PTPRD: variants seen among roughly 807,000 people sequenced by gnomAD.
The protein encoded by PTPRD is receptor-type tyrosine-protein phosphatase delta.
A neutral mutation model predicts 214.5 loss-of-function variants in PTPRD; 34 were observed. The ratio of observed to expected loss-of-function variants is 0.16; its 90% CI spans 0.12 to 0.21. The LOEUF is 0.21. PTPRD is among the 10% of genes least tolerant of loss of function. The probability of loss-of-function intolerance (pLI) is 1.00; values close to 1 mark genes in which losing one functional copy is unlikely to be tolerated. For missense variants in PTPRD, 2,545 were observed against 2,398.7 expected, an observed-to-expected ratio of 1.06 and a Z score of -1.27; for synonymous variants, 1,128 against 845.7, an observed-to-expected ratio of 1.33 and a Z score of -5.79.
chr9:10,609,979 A>G (rs534960948), intron 2 of PTPRD, among the ~76,000 whole-genome samples: 1 of 152,136 alleles, frequency 6.6e-6, no homozygotes, highest in Admixed American at 6.6e-5. Flanking sequence ...CCCTTTAGTA[A>G]GCACATGTAA....
intron 3 of PTPRD, among the ~76,000 whole-genome samples, chr9:10,264,217 G>A (rs1354583451): frequency 3.9e-5 from 6 of 152,158 alleles, no homozygotes; most frequent in African/African-American, 1.4e-4. Context: ...TCCCCACTGG[G>A]GCGCTGCCTA....
intron 9 of PTPRD, among the ~76,000 whole-genome samples, chr9:9,350,628 T>A (rs1414275112): frequency 6.6e-6 from 1 of 152,124 alleles, no homozygotes; most frequent in Non-Finnish European, 1.5e-5. Context: ...TAGTATCCTC[T>A]ATATTTTCTA....
chr9:8,499,338 A>C (rs965100113), intron 25 of PTPRD, among the ~76,000 whole-genome samples: 8 of 152,162 alleles, frequency 5.3e-5, no homozygotes, highest in African/African-American at 1.9e-4. Flanking sequence ...CCTTTGACTC[A>C]ACTAAGTCAA....
At chr9:9,291,617 C>T (rs1167606916) in intron 9 of PTPRD, among the ~76,000 whole-genome samples, 1 of 151,192 alleles carries the variant, frequency 6.6e-6, no homozygotes, top group Admixed American at 6.6e-5. Context: ...CAGTAAGCAA[C>T]TATAAAGTTT....
rs765207578 is a variant in PTPRD at position 8,479,743 on chromosome 9, T to A, written c.3413+4376A>T. Among the ~76,000 whole-genome samples, 2 of 152,216 alleles carry A rather than the reference T, an allele frequency of 1.3e-5. 1 individual carries two copies. Among genetic ancestry groups the A allele is most frequent in the South Asian group, 4.1e-4 (2 of 4,832 alleles). Reference sequence around the variant, plus strand: ...ATTTTTATATAAATAAAAGAAAGTATTGAAAACTAAATTAATAGTAAATGC... The same window carrying A: ...ATTTTTATATAAATAAAAGAAAGTAATGAAAACTAAATTAATAGTAAATGC... On this transcript the variant is annotated intron_variant, in intron 30 of 45. Transcript: ENST00000381196.
At chr9:9,777,689 T>A (rs1222728900) in intron 5 of PTPRD, among the ~76,000 whole-genome samples, 1 of 152,168 alleles carries the variant, frequency 6.6e-6, no homozygotes, top group African/African-American at 2.4e-5. Flanking sequence ...AGAGTGAGCC[T>A]CTATCTCAAC....
chr9:8,641,847 A>C (rs955475584), intron 12 of PTPRD, among the ~76,000 whole-genome samples: 7 of 152,226 alleles, frequency 4.6e-5, no homozygotes, highest in Non-Finnish European at 8.8e-5. Flanking sequence ...TGGGTCTAAT[A>C]TTTGGATGCC....
At chr9:9,306,071 A>T (rs1004282467) in intron 9 of PTPRD, among the ~76,000 whole-genome samples, 1 of 152,196 alleles carries the variant, frequency 6.6e-6, no homozygotes, top group African/African-American at 2.4e-5. Context: ...CAATAAGAGA[A>T]CATCAGTAGA....
intron 19 of PTPRD, 96 bp from the exon 20 acceptor site, chr9:8,521,642 A>ATGTTTCAATTG: frequency 7.3e-7 from 1 of 1,371,436 alleles, no homozygotes; most frequent in African/African-American, 1.5e-5. Context: ...CGATTCAACA[A>ATGTTTCAATTG]TTGAAACATT....
At chr9:8,936,427 CAAAAA>C (rs1181403459) in intron 11 of PTPRD, among the ~76,000 whole-genome samples, 19 of 31,652 alleles carry the variant, frequency 6.0e-4, no homozygotes, top group Admixed American at 5.7e-3. Flanking sequence ...ACCCTGCCTC[CAAAAA>C]AAAAAAAAAA....
chr9:10,251,048 T>A (rs996222367), intron 3 of PTPRD, among the ~76,000 whole-genome samples: 4 of 152,070 alleles, frequency 2.6e-5, no homozygotes, highest in African/African-American at 4.8e-5. Flanking sequence ...ATTAGAGGGC[T>A]ACATAGGGGT....
At chr9:9,169,526 C>T (rs1200748155) in intron 10 of PTPRD, among the ~76,000 whole-genome samples, 1 of 152,086 alleles carries the variant, frequency 6.6e-6, no homozygotes, top group Non-Finnish European at 1.5e-5. Context: ...ATGAGGTAGG[C>T]CCTGGCTATA....
chr9:10,278,767 T>TTTTG (rs567429953), intron 3 of PTPRD, among the ~76,000 whole-genome samples: 5,342 of 151,604 alleles, frequency 0.035, 324 homozygotes, highest in Admixed American at 0.16. Flanking sequence ...AAAGGTTTTT[T>TTTTG]TTTTGTTTTG....
chr9:10,600,326 T>G (rs148482833), intron 2 of PTPRD, among the ~76,000 whole-genome samples: 1,548 of 151,892 alleles, frequency 0.01, 32 homozygotes, highest in African/African-American at 0.034. Flanking sequence ...TCATATACAC[T>G]CTCCCTTTTT....
chr9:8,822,703 C>G (rs1566366142), intron 11 of PTPRD, among the ~76,000 whole-genome samples: 1 of 152,072 alleles, frequency 6.6e-6, no homozygotes, highest in Non-Finnish European at 1.5e-5. Context: ...TTTTTATACC[C>G]AAATTAGACA....
At chr9:9,603,923 T>C (rs2093970185) in intron 7 of PTPRD, among the ~76,000 whole-genome samples, 1 of 152,086 alleles carries the variant, frequency 6.6e-6, no homozygotes, top group East Asian at 1.9e-4. Flanking sequence ...TCACTTTTGG[T>C]GTACAGATAA....
chr9:8,337,450 C>T (rs1003212892), intron 43 of PTPRD, among the ~76,000 whole-genome samples: 2 of 151,156 alleles, frequency 1.3e-5, no homozygotes, highest in South Asian at 2.1e-4. Flanking sequence ...GGGCCTGTTG[C>T]GGGTTTGGAG....
At chr9:9,818,978 T>G (rs145355992) in intron 5 of PTPRD, among the ~76,000 whole-genome samples, 1 of 151,870 alleles carries the variant, frequency 6.6e-6, no homozygotes, top group African/African-American at 2.4e-5. Flanking sequence ...TTGTAATAGC[T>G]GACAAAGATT....
chr9:8,384,815 C>T (rs561549795), intron 37 of PTPRD, among the ~76,000 whole-genome samples: 9 of 152,276 alleles, frequency 5.9e-5, no homozygotes, highest in South Asian at 4.1e-4. Context: ...CGTGAGCCAC[C>T]GCACCTGGCC....
Sources: allele counts gnomAD v4.1 joint callset (sites outside exome capture counted in the v4.1 genomes callset), GRCh38; gene constraint gnomAD v4.1.1; transcripts MANE v1.5; gene names NCBI Gene and HGNC (gene_info 2026-07-23, HGNC 2026-07-21).